DOP1A: variants seen among roughly 807,000 people sequenced by gnomAD.
DOP1A encodes the protein protein DOP1A.
A neutral mutation model predicts 267.6 loss-of-function variants in DOP1A; 90 were observed. The observed-to-expected ratio is 0.34, with a 90% CI of 0.28 to 0.40. The LOEUF (loss-of-function observed/expected upper bound fraction) is 0.40, where lower values mean the gene tolerates loss of function less well. Among genes scored for constraint, DOP1A ranks in the 10% least tolerant of loss-of-function variants. The pLI, the probability that DOP1A is intolerant of heterozygous loss-of-function variation, is 1.00. For missense variants in DOP1A, 2,437 were observed against 2,900.4 expected (o/e 0.84, Z 3.67); for synonymous variants, 932 against 999.1 (o/e 0.93, Z 1.27).
intron 23 of DOP1A, among the ~76,000 whole-genome samples, chr6:83,141,657 T>C (rs144477493): frequency 0.018 from 2,768 of 152,360 alleles, 51 homozygotes; most frequent in Admixed American, 0.06. Context: ...GAATTTTATA[T>C]GTGTTGTGTT....
In DOP1A at chr6:83,092,568, C is replaced by A. The variant is rs1277425009; in HGVS notation, c.-146-4163C>A. On this transcript the variant is annotated intron_variant, in intron 1 of 38. Transcript: ENST00000349129. Reference sequence around the variant, plus strand: ...ACAGTAGTGTCCCTCCCCCCCCCCCCACCATATTCACCAGGGATATGTTTT... The same window carrying A: ...ACAGTAGTGTCCCTCCCCCCCCCCCAACCATATTCACCAGGGATATGTTTT... Among the ~76,000 whole-genome samples, 18 of 102,944 alleles carry A rather than the reference C, an allele frequency of 1.7e-4. No individual in the cohort carries two copies. The East Asian group carries it at 3.2e-3, about 18-fold the overall frequency. The allele number at this position is 102,944 out of a possible 152,430, so 67.5% of individuals were successfully genotyped here. A position where few individuals can be genotyped will look rare whatever the true frequency, so the allele number is the denominator to read the frequency against.
intron 4 of DOP1A, among the ~76,000 whole-genome samples, chr6:83,104,380 T>G (rs992252044): frequency 1.6e-4 from 25 of 152,284 alleles, no homozygotes; most frequent in African/African-American, 5.5e-4. Context: ...ATGTTAAATA[T>G]TTTTGAAGGT....
chr6:83,109,354 A>C (rs938964410), intron 5 of DOP1A, among the ~76,000 whole-genome samples: 7 of 152,178 alleles, frequency 4.6e-5, no homozygotes, highest in Non-Finnish European at 8.8e-5. Context: ...AAGTTTTCTT[A>C]GTGTCTGAAC....
downstream of DOP1A, chr6:83,170,552 C>CCTG: frequency 8.5e-7 from 1 of 1,179,184 alleles, no homozygotes; most frequent in Non-Finnish European, 1.2e-6. Flanking sequence ...AACATACATT[C>CCTG]TACGAAAAGT....
intron 1 of DOP1A, among the ~76,000 whole-genome samples, chr6:83,075,511 G>A (rs1047301233): frequency 1.3e-5 from 2 of 152,220 alleles, no homozygotes; most frequent in South Asian, 2.1e-4. Flanking sequence ...TGAAGGATAA[G>A]TAGGTACTTG....
At chr6:83,169,253 C>T, downstream of DOP1A, 2 of 1,614,060 alleles carry the variant, frequency 1.2e-6, no homozygotes, top group African/African-American at 1.3e-5. Context: ...TGGTTGGGGC[C>T]TTTCTCCAAT....
chr6:83,165,801 G>T (rs978857079), intron 38 of DOP1A: 1 of 302,388 alleles, frequency 3.3e-6, no homozygotes, highest in South Asian at 3.2e-5. Flanking sequence ...GTCGTGAAAA[G>T]AATTGGGCCC....
intron 3 of DOP1A, among the ~76,000 whole-genome samples, chr6:83,098,964 G>A (rs547638537): frequency 2.0e-5 from 3 of 152,260 alleles, no homozygotes; most frequent in Admixed American, 2.0e-4. Context: ...AGGGGTCTTT[G>A]ACCTACAATG....
chr6:83,078,660 G>A (rs1244830026), intron 1 of DOP1A, among the ~76,000 whole-genome samples: 3 of 152,152 alleles, frequency 2.0e-5, no homozygotes, highest in African/African-American at 7.2e-5. Flanking sequence ...AGCATTTCTT[G>A]GAGTGATATT....
At position 83,070,517 on chromosome 6, in the gene DOP1A, G is replaced by A. The variant is rs527919470; in HGVS notation, c.-147+2738G>A. ...TCAATAAGTTTTAGTAGATATATAT[G>A]CACCCGTGTAGCTACCACCACAATC... is the stretch of plus-strand genomic sequence containing the variant. On this transcript the variant is annotated intron_variant, in intron 1 of 38. Transcript: ENST00000349129. Among the ~76,000 whole-genome samples, 221 of 152,172 alleles carry A rather than the reference G, an allele frequency of 1.5e-3. 1 individual carries two copies. The highest frequency in any genetic ancestry group is 0.01 in the Middle Eastern group (3 of 294).
intron 33 of DOP1A, 40 bp from the exon 34 acceptor site, chr6:83,155,911 C>G: frequency 6.3e-7 from 1 of 1,586,784 alleles, no homozygotes; most frequent in Non-Finnish European, 8.5e-7. Context: ...AATCTTTCTT[C>G]AGATGACAGT....
At chr6:83,169,834 C>A (rs1304000881), downstream of DOP1A, 2 of 456,942 alleles carry the variant, frequency 4.4e-6, no homozygotes, top group African/African-American at 2.0e-5. Context: ...GACCACAAGT[C>A]TTGACCCCTG....
chr6:83,140,274 C>G lies in DOP1A; in HGVS notation c.5286C>G (p.Leu1762=). ...TGTTTGAAGCACGCAGTGGAATCCT[C>G]TCAATCCTTCATATGATCATGTCCT... The part of the protein sequence containing the change: ...KHLFEARSGI[L]SILHMIMSSV... Residue 1762 remains leucine, a synonymous_variant, in exon 23 of 39, where the codon CTC becomes CTG. Coordinates refer to ENST00000349129, the MANE Select transcript of DOP1A (RefSeq NM_015018.4). The G allele has an allele frequency of 6.2e-7, 1 of 1,613,650 alleles. No individual in the cohort carries two copies. The highest frequency in any genetic ancestry group is 8.5e-7 in the Non-Finnish European group (1 of 1,179,896).
At chr6:83,099,039 G>A (rs997817705) in intron 3 of DOP1A, among the ~76,000 whole-genome samples, 1 of 152,002 alleles carries the variant, frequency 6.6e-6, no homozygotes, top group Non-Finnish European at 1.5e-5. Flanking sequence ...TCCTGCCTTA[G>A]GGAGAAAAAG....
At chr6:83,161,141 T>G (rs1356863778) in intron 37 of DOP1A, 1 of 152,154 alleles carries the variant, frequency 6.6e-6, no homozygotes, top group Non-Finnish European at 1.5e-5. Context: ...TATTCTGTGG[T>G]GCTTTTGGAG....
intron 7 of DOP1A, among the ~76,000 whole-genome samples, chr6:83,115,578 G>T (rs532804156): frequency 2.2e-4 from 34 of 152,234 alleles, no homozygotes; most frequent in Admixed American, 1.8e-3. Context: ...AAAAAAATTA[G>T]CAGGGCATGG....
intron 4 of DOP1A, among the ~76,000 whole-genome samples, chr6:83,103,687 C>T (rs1773020465): frequency 6.6e-6 from 1 of 152,138 alleles, no homozygotes; most frequent in South Asian, 2.1e-4. Flanking sequence ...TTCTTCTGAC[C>T]TAGTTTCCAG....
At position 83,137,823 on chromosome 6, in the gene DOP1A, A is replaced by C; in HGVS notation, c.3781A>C (p.Arg1261=). Residue 1261 remains arginine (R), a synonymous_variant, in exon 21 of 39, where the codon AGA becomes CGA. Coordinates refer to ENST00000349129, the MANE Select transcript of DOP1A (RefSeq NM_015018.4). ...TGTTGCTTCCATAGAAACCAAATCT[A>C]GACAAAGGAGTCACAGTAGTATTCA... ...SSVASIETKS[R]QRSHSSIQFS... is the part of the protein sequence containing the mutation. 1 of 1,613,898 alleles carries C rather than the reference A, an allele frequency of 6.2e-7. No individual in the cohort carries two copies. The highest frequency in any genetic ancestry group is 2.2e-5 in the East Asian group (1 of 44,878).
At chr6:83,122,841 G>T in intron 11 of DOP1A, 22 bp from the exon 12 acceptor site, 1 of 1,422,634 alleles carries the variant, frequency 7.0e-7, no homozygotes. Context: ...TTTAGTTTTT[G>T]TTTTCTTTTC....
Sources: gnomAD v4.1 joint callset for allele counts (sites outside exome capture counted in the v4.1 genomes callset) on GRCh38, gnomAD v4.1.1 for gene constraint, MANE v1.5 for transcripts, NCBI Gene and HGNC (gene_info 2026-07-23, HGNC 2026-07-21) for gene names.